CTNNA2: variants seen among roughly 807,000 people sequenced by gnomAD.
CTNNA2 encodes catenin alpha-2.
A neutral mutation model predicts 101.0 loss-of-function variants in CTNNA2; 42 were observed. The observed-to-expected ratio is 0.42, with a 90% CI of 0.32 to 0.54. CTNNA2 has a LOEUF of 0.54. CTNNA2 is among the 20% of genes least tolerant of loss of function. The pLI, the probability that CTNNA2 is intolerant of heterozygous loss-of-function variation, is 0.14. For synonymous variants in CTNNA2, 450 were observed against 456.4 expected (o/e 0.99, Z 0.18); for missense variants, 871 against 1,223.1 (o/e 0.71, Z 4.29).
chr2:79,887,787 A>G (rs1273041412), intron 6 of CTNNA2, among the ~76,000 whole-genome samples: 4 of 152,150 alleles, frequency 2.6e-5, no homozygotes, highest in Admixed American at 1.3e-4. Context: ...AGAAATCCTC[A>G]CCTGTTCATC....
intron 3 of CTNNA2, among the ~76,000 whole-genome samples, chr2:79,776,569 TA>T (rs1274074667): frequency 4.6e-5 from 7 of 152,214 alleles, no homozygotes; most frequent in African/African-American, 1.7e-4. Flanking sequence ...AATTGCCAAA[TA>T]TATCCGCACA....
intron 7 of CTNNA2, among the ~76,000 whole-genome samples, chr2:80,263,113 G>C (rs1012491561): frequency 9.9e-5 from 15 of 152,240 alleles, no homozygotes; most frequent in African/African-American, 3.4e-4. Context: ...AGTGGGGAGA[G>C]TTTGTACATA....
chr2:80,077,874 G>A (rs1337569576), intron 7 of CTNNA2, among the ~76,000 whole-genome samples: 1 of 152,074 alleles, frequency 6.6e-6, no homozygotes, highest in Non-Finnish European at 1.5e-5. Context: ...TTGCAGGTGT[G>A]GTTATAAAGG....
At position 80,487,773 on chromosome 2, in the gene CTNNA2, C is replaced by T. The variant is rs114814951; in HGVS notation, c.1291-57209C>T. Among the ~76,000 whole-genome samples the T allele has an allele frequency of 2.7e-3, 409 of 152,278 alleles. 2 individuals are homozygous for T. The highest frequency in any genetic ancestry group is 9.6e-3 in the African/African-American group (401 of 41,560). Reference sequence around the variant, plus strand: ...TATGAATCCTAAAAGAAACTTATCTCCATGCATTGTATGATTTAATCTTCA... The same window carrying T: ...TATGAATCCTAAAAGAAACTTATCTTCATGCATTGTATGATTTAATCTTCA... On this transcript the variant is annotated intron_variant, in intron 9 of 18. Transcript: ENST00000402739.
intron 15 of CTNNA2, among the ~76,000 whole-genome samples, chr2:80,601,186 T>G (rs1697472196): frequency 1.3e-5 from 2 of 152,136 alleles, no homozygotes; most frequent in Non-Finnish European, 2.9e-5. Flanking sequence ...TTCTGTCATT[T>G]CTTTGGGTTT....
At chr2:80,127,380 A>T (rs1475946221) in intron 7 of CTNNA2, among the ~76,000 whole-genome samples, 1 of 152,184 alleles carries the variant, frequency 6.6e-6, no homozygotes, top group Non-Finnish European at 1.5e-5. Flanking sequence ...AGAATATGCT[A>T]TGAAGAATAG....
chr2:80,538,768 A>G (rs1691270047), intron 9 of CTNNA2, among the ~76,000 whole-genome samples: 1 of 152,212 alleles, frequency 6.6e-6, no homozygotes. Flanking sequence ...AAAGAAAGTG[A>G]ATGGTAGCTT....
chr2:79,188,953 A>C (rs1431216326), intron 1 of CTNNA2, among the ~76,000 whole-genome samples: 1 of 152,222 alleles, frequency 6.6e-6, no homozygotes, highest in Non-Finnish European at 1.5e-5. Flanking sequence ...TATAAGCTCT[A>C]TGTGAACAGG....
chr2:79,917,010 G>A (rs1255921719), intron 7 of CTNNA2, among the ~76,000 whole-genome samples: 1 of 152,006 alleles, frequency 6.6e-6, no homozygotes, highest in Non-Finnish European at 1.5e-5. Context: ...GCAGTGGCGC[G>A]ATCTTAGCTC....
chr2:79,673,746 T>C (rs1249420458), intron 2 of CTNNA2, among the ~76,000 whole-genome samples: 2 of 152,220 alleles, frequency 1.3e-5, no homozygotes, highest in African/African-American at 4.8e-5. Context: ...TTTTGAGTGT[T>C]TGATTACTTC....
chr2:80,164,338 A>G (rs145624820), intron 7 of CTNNA2, among the ~76,000 whole-genome samples: 162 of 151,928 alleles, frequency 1.1e-3, no homozygotes, highest in South Asian at 4.6e-3. Flanking sequence ...TTAATAGTTG[A>G]CCTAGGCAAT....
At chr2:79,765,402 T>C (rs988467982) in intron 3 of CTNNA2, among the ~76,000 whole-genome samples, 1 of 152,198 alleles carries the variant, frequency 6.6e-6, no homozygotes, top group African/African-American at 2.4e-5. Context: ...CTTACAAATA[T>C]TCCAAGTAGT....
At chr2:80,076,991 A>G (rs1321793652) in intron 7 of CTNNA2, among the ~76,000 whole-genome samples, 1 of 152,112 alleles carries the variant, frequency 6.6e-6, no homozygotes, top group Non-Finnish European at 1.5e-5. Context: ...GCTTGCAGTG[A>G]GCCAAGATCA....
At chr2:80,202,308 A>G (rs1214545373) in intron 7 of CTNNA2, among the ~76,000 whole-genome samples, 2 of 152,222 alleles carry the variant, frequency 1.3e-5, no homozygotes, top group South Asian at 4.1e-4. Flanking sequence ...GTCTCCAGGA[A>G]CCAGCAGTCT....
At chr2:80,583,598 C>T (rs1695723087) in intron 14 of CTNNA2, among the ~76,000 whole-genome samples, 1 of 152,068 alleles carries the variant, frequency 6.6e-6, no homozygotes, top group Non-Finnish European at 1.5e-5. Context: ...ATACATACAG[C>T]CTAGTATCCA....
chr2:79,227,149 C>T (rs1674427238), intron 2 of CTNNA2, among the ~76,000 whole-genome samples: 1 of 152,054 alleles, frequency 6.6e-6, no homozygotes, highest in African/African-American at 2.4e-5. Context: ...CTGGATTTTC[C>T]CTTGAATTTA....
chr2:79,328,479 C>T (rs1366420300), intron 3 of CTNNA2, among the ~76,000 whole-genome samples: 2 of 152,134 alleles, frequency 1.3e-5, no homozygotes, highest in Non-Finnish European at 2.9e-5. Flanking sequence ...ATATCTGCAG[C>T]TTAATTTCCT....
intron 3 of CTNNA2, among the ~76,000 whole-genome samples, chr2:79,813,365 C>G (rs1219021621): frequency 6.6e-6 from 1 of 152,114 alleles, no homozygotes; most frequent in Non-Finnish European, 1.5e-5. Flanking sequence ...ATGAAAGTAA[C>G]AGGCCTAGGT....
intron 3 of CTNNA2, among the ~76,000 whole-genome samples, chr2:79,370,887 T>C (rs1677855211): frequency 6.6e-6 from 1 of 152,180 alleles, no homozygotes; most frequent in South Asian, 2.1e-4. Flanking sequence ...CAATCACAGC[T>C]TCATCTCTTC....
Sources: allele counts gnomAD v4.1 joint callset (sites outside exome capture counted in the v4.1 genomes callset), GRCh38; gene constraint gnomAD v4.1.1; transcripts MANE v1.5; gene names NCBI Gene and HGNC (gene_info 2026-07-23, HGNC 2026-07-21).